The following ARHGAP28 variants were observed in gnomAD, a reference collection of about 807,000 sequenced individuals.
ARHGAP28 encodes Rho GTPase activating protein 28, also known as rho GTPase-activating protein 28.
ARHGAP28 carries 56 observed loss-of-function variants against 90.7 expected under a neutral mutation model. The observed-to-expected ratio is 0.62, with a 90% CI of 0.50 to 0.77. The LOEUF (loss-of-function observed/expected upper bound fraction) is 0.77. Ranked by LOEUF, ARHGAP28 falls within the 30% of genes least tolerant of loss-of-function variation. ARHGAP28 has a pLI of 0.00. For synonymous variants in ARHGAP28, 308 were observed against 323.3 expected, an observed-to-expected ratio of 0.95 and a Z score of 0.51; for missense variants, 869 against 900.9, an observed-to-expected ratio of 0.96 and a Z score of 0.45.
chr18:6,768,330 T>C (rs1307489821), intron 1 of ARHGAP28, among the ~76,000 whole-genome samples: 1 of 152,194 alleles, frequency 6.6e-6, no homozygotes, highest in Non-Finnish European at 1.5e-5. Flanking sequence ...AGTTTTTTAG[T>C]TAATGCTGGA....
rs201393119 is a variant in ARHGAP28 at position 6,890,131 on chromosome 18, C to T, written c.1734+46C>T. 4.9e-5 allele frequency: 79 copies of T among 1,601,442 alleles called. No homozygotes were observed. In the South Asian group the frequency reaches 8.4e-4, roughly 17 times the overall value. On this transcript the variant is annotated intron_variant, in intron 13 of 17. Coordinates refer to ENST00000383472, the MANE Select transcript of ARHGAP28 (RefSeq NM_001366230.1). ...AGGTCCCCCTCAGAAGTCCATGTCC[C>T]CAGGAAACATAAAGCCTCCATGATT...
intron 1 of ARHGAP28, among the ~76,000 whole-genome samples, chr18:6,752,742 A>C (rs1244454909): frequency 6.6e-6 from 1 of 152,060 alleles, no homozygotes; most frequent in African/African-American, 2.4e-5. Flanking sequence ...TCCTTCTCTC[A>C]GCTTAAGAGT....
intron 5 of ARHGAP28, among the ~76,000 whole-genome samples, chr18:6,866,070 A>G (rs537861241): frequency 5.3e-5 from 8 of 152,340 alleles, no homozygotes; most frequent in East Asian, 3.9e-4. Context: ...TTTTAAAATG[A>G]TATATGTCAA....
At chr18:6,866,622 T>G (rs980763530) in intron 5 of ARHGAP28, among the ~76,000 whole-genome samples, 16 of 152,192 alleles carry the variant, frequency 1.1e-4, no homozygotes, top group African/African-American at 3.9e-4. Flanking sequence ...TCGTAATGCT[T>G]TGTAAGTGTT....
chr18:6,868,068 G>A lies in ARHGAP28; in HGVS notation c.727-82G>A, dbSNP rs1600264572. On this transcript the variant is annotated intron_variant, in intron 5 of 17. Transcript: ENST00000383472. ...TATGTGAAAATAACTCTTGTATACT[G>A]CAGAACATAAGTCAGGCTGAAATGT... 8.7e-6 allele frequency: 10 copies of A among 1,152,774 alleles called. No individual in the cohort carries two copies. The East Asian group carries it at 2.4e-4, about 27-fold the overall frequency. 71.4% of individuals were successfully genotyped at this position (1,152,774 alleles called of 1,614,324 possible).
chr18:6,796,151 G>A (rs906410578), intron 1 of ARHGAP28, among the ~76,000 whole-genome samples: 2 of 152,190 alleles, frequency 1.3e-5, no homozygotes, highest in African/African-American at 2.4e-5. Flanking sequence ...AGGCCTTAGC[G>A]GTAGACAACC....
chr18:6,751,885 T>C (rs142596820), intron 1 of ARHGAP28, among the ~76,000 whole-genome samples: 391 of 152,318 alleles, frequency 2.6e-3, no homozygotes, highest in African/African-American at 9.2e-3. Flanking sequence ...AATTGGTGAT[T>C]GCTAAGACAA....
intron 16 of ARHGAP28, 62 bp downstream of exon 16, chr18:6,896,688 T>G: frequency 6.3e-7 from 1 of 1,577,416 alleles, no homozygotes; most frequent in Non-Finnish European, 8.6e-7. Context: ...GATGAATAAC[T>G]TTCTAGGCAT....
intron 5 of ARHGAP28, among the ~76,000 whole-genome samples, chr18:6,864,010 C>T (rs2057018407): frequency 6.6e-6 from 1 of 151,890 alleles, no homozygotes; most frequent in Non-Finnish European, 1.5e-5. Flanking sequence ...GTCTTGAACT[C>T]CTGACCTCAG....
chr18:6,736,503 G>A (rs922231331), intron 1 of ARHGAP28, among the ~76,000 whole-genome samples: 2 of 151,950 alleles, frequency 1.3e-5, no homozygotes, highest in Non-Finnish European at 2.9e-5. Flanking sequence ...ACTTTGGGAG[G>A]CCGAGGTGAG....
At chr18:6,822,576 T>C (rs960295732) in intron 1 of ARHGAP28, among the ~76,000 whole-genome samples, 3 of 152,218 alleles carry the variant, frequency 2.0e-5, no homozygotes, top group African/African-American at 4.8e-5. Flanking sequence ...CTATAAAGAA[T>C]TCAGCGAGAA....
chr18:6,780,172 G>A (rs2056313146), intron 1 of ARHGAP28, among the ~76,000 whole-genome samples: 1 of 152,178 alleles, frequency 6.6e-6, no homozygotes, highest in Admixed American at 6.5e-5. Context: ...ATGCAGAAGC[G>A]AGACCACTGA....
At chr18:6,831,111 A>C (rs936300881) in intron 2 of ARHGAP28, among the ~76,000 whole-genome samples, 1 of 152,168 alleles carries the variant, frequency 6.6e-6, no homozygotes, top group Non-Finnish European at 1.5e-5. Context: ...TTCAGTCTCC[A>C]TCATATGAGT....
chr18:6,827,665 A>G (rs1346852712), intron 2 of ARHGAP28, among the ~76,000 whole-genome samples: 2 of 146,950 alleles, frequency 1.4e-5, no homozygotes, highest in South Asian at 4.3e-4. Context: ...TCCCTCCTGG[A>G]TGGGGCGGCT....
chr18:6,870,731 C>T lies in ARHGAP28; in HGVS notation c.953C>T (p.Thr318Ile). 2 of 1,598,174 alleles carry T rather than the reference C, an allele frequency of 1.3e-6. No homozygotes were observed. Among genetic ancestry groups the T allele is most frequent in the South Asian group, 2.3e-5 (2 of 88,044 alleles). ...SEIKKEDYVL[T>I]KFNVQKTRFG... ...ATTAAGAAAGAAGACTATGTTTTAACTGTAAGCAAAACCTTTCATGATTAT... is the reference window on the plus strand; with the variant it reads ...ATTAAGAAAGAAGACTATGTTTTAATTGTAAGCAAAACCTTTCATGATTAT... The change falls in exon 7 of 18, where the codon ACT becomes ATT. Residue 318 changes from threonine (T) to isoleucine (I), a missense_variant and splice_region_variant. By Grantham distance (89) the Thr-to-Ile change is moderately conservative. Transcript: ENST00000383472.
chr18:6,741,053 A>G (rs1340759990), intron 1 of ARHGAP28, among the ~76,000 whole-genome samples: 1 of 152,188 alleles, frequency 6.6e-6, no homozygotes, highest in Non-Finnish European at 1.5e-5. Context: ...TGAGAATGGC[A>G]TTTCCTTAGC....
At chr18:6,899,344 G>A (rs1206796015) in intron 16 of ARHGAP28, among the ~76,000 whole-genome samples, 1 of 152,180 alleles carries the variant, frequency 6.6e-6, no homozygotes, top group East Asian at 1.9e-4. Context: ...ACGGTGGTGA[G>A]TTCTGGGAGT....
chr18:6,911,611 T>C (rs1375926497), intron 17 of ARHGAP28, among the ~76,000 whole-genome samples: 1 of 151,972 alleles, frequency 6.6e-6, no homozygotes, highest in Non-Finnish European at 1.5e-5. Flanking sequence ...AATTTTTGTA[T>C]TTTTAGTAGA....
intron 1 of ARHGAP28, among the ~76,000 whole-genome samples, chr18:6,762,632 T>TTTCAACTAA (rs984523514): frequency 6.6e-6 from 1 of 152,164 alleles, no homozygotes; most frequent in Admixed American, 6.5e-5. Context: ...AGATAGGGCC[T>TTTCAACTAA]TTAAAGAGTT....
Sources: allele counts gnomAD v4.1 joint callset (sites outside exome capture counted in the v4.1 genomes callset), GRCh38; gene constraint gnomAD v4.1.1; transcripts MANE v1.5; gene names NCBI Gene and HGNC (gene_info 2026-07-23, HGNC 2026-07-21).